Variants in IPO7 observed in about 807,000 individuals in gnomAD.
IPO7 encodes importin 7.
Under a neutral mutation model 136.4 loss-of-function variants are expected in IPO7, and 13 were observed. That is an observed-to-expected ratio of 0.10 (90% CI 0.06 to 0.15). The LOEUF (loss-of-function observed/expected upper bound fraction) is 0.15, where lower values mean the gene tolerates loss of function less well. Among genes scored for constraint, IPO7 ranks in the 10% least tolerant of loss-of-function variants. IPO7 has a pLI of 1.00. For missense variants in IPO7, 857 were observed against 1,240.6 expected (o/e 0.69, Z 4.65); for synonymous variants, 403 against 404.4 (o/e 1.00, Z 0.04).
chr11:9,403,270 T>A lies in IPO7; in HGVS notation c.85-20T>A. 2 of 1,552,660 alleles carry A rather than the reference T, an allele frequency of 1.3e-6. No individual in the cohort carries two copies. The highest frequency in any genetic ancestry group is 8.9e-7 in the Non-Finnish European group (1 of 1,125,018). On this transcript the variant is annotated intron_variant, in intron 1 of 24. Coordinates refer to ENST00000379719, the MANE Select transcript of IPO7 (RefSeq NM_006391.3). ...TATATTTATTTGCAGAAGTTTAAAA[T>A]GGACTTTTTTTCTTTGTAGGCACAC... is the stretch of plus-strand genomic sequence containing the variant.
At chr11:9,441,831 C>T (rs764832057) in intron 23 of IPO7, among the ~76,000 whole-genome samples, 1 of 152,072 alleles carries the variant, frequency 6.6e-6, no homozygotes, top group Non-Finnish European at 1.5e-5. Flanking sequence ...TAGGCTGAGT[C>T]CTTATTTGCT....
chr11:9,414,915 T>C (rs1855019972), intron 5 of IPO7, among the ~76,000 whole-genome samples: 1 of 151,742 alleles, frequency 6.6e-6, no homozygotes, highest in Non-Finnish European at 1.5e-5. Flanking sequence ...CGAGCCACCG[T>C]GCTTGGCCCC....
At chr11:9,392,809 C>T (rs1854655064) in intron 1 of IPO7, among the ~76,000 whole-genome samples, 1 of 151,796 alleles carries the variant, frequency 6.6e-6, no homozygotes. Context: ...ATTAGCCGGG[C>T]ATGGTGTTGC....
chr11:9,430,050 C>T (rs750887268), intron 15 of IPO7, among the ~76,000 whole-genome samples: 11 of 152,230 alleles, frequency 7.2e-5, no homozygotes, highest in African/African-American at 2.6e-4. Flanking sequence ...AATGGTTTCT[C>T]ATAAGGGGTG....
chr11:9,437,248 A>C (rs1565004091), intron 20 of IPO7, among the ~76,000 whole-genome samples: 1 of 149,194 alleles, frequency 6.7e-6, no homozygotes, highest in African/African-American at 2.5e-5. Flanking sequence ...GCTTTTATTT[A>C]TTTTTTATTT....
chr11:9,423,374 A>T (rs1855160803), intron 9 of IPO7, among the ~76,000 whole-genome samples: 1 of 152,198 alleles, frequency 6.6e-6, no homozygotes, highest in Non-Finnish European at 1.5e-5. Flanking sequence ...CAAACTTGCA[A>T]TTTAAGTTCT....
intron 22 of IPO7, among the ~76,000 whole-genome samples, chr11:9,439,585 G>C (rs570158887): frequency 3.3e-5 from 5 of 149,974 alleles, no homozygotes; most frequent in Non-Finnish European, 5.9e-5. Flanking sequence ...GTTTTTTTTT[G>C]TTGTTGTTGT....
intron 20 of IPO7, among the ~76,000 whole-genome samples, chr11:9,436,878 T>A (rs1456860278): frequency 5.4e-3 from 200 of 37,100 alleles, no homozygotes; most frequent in South Asian, 0.013. Context: ...ATTTTTTTTT[T>A]TTTTTTTTTT....
At chr11:9,393,789 C>T (rs1854671290) in intron 1 of IPO7, among the ~76,000 whole-genome samples, 1 of 152,168 alleles carries the variant, frequency 6.6e-6, no homozygotes, top group Non-Finnish European at 1.5e-5. Context: ...GGTGTTGATA[C>T]TCCTAAATGA....
chr11:9,418,070 T>C (rs1282077355), intron 6 of IPO7, among the ~76,000 whole-genome samples: 1 of 150,852 alleles, frequency 6.6e-6, no homozygotes, highest in Non-Finnish European at 1.5e-5. Context: ...TACGCTGTTT[T>C]GTTTTGTTTT....
chr11:9,421,305 A>G (rs1403171184), intron 8 of IPO7, among the ~76,000 whole-genome samples: 4 of 150,068 alleles, frequency 2.7e-5, no homozygotes, highest in Non-Finnish European at 5.9e-5. Context: ...TAACACCAGT[A>G]ACATATTGTC....
intron 2 of IPO7, among the ~76,000 whole-genome samples, chr11:9,405,692 G>C (rs1854872290): frequency 6.6e-6 from 1 of 152,244 alleles, no homozygotes; most frequent in African/African-American, 2.4e-5. Context: ...CAAAGTGCTA[G>C]GATTATGGGC....
chr11:9,390,766 A>ATAGGGAGACGCAGTCAC (rs146167125), intron 1 of IPO7, among the ~76,000 whole-genome samples: 24 of 152,130 alleles, frequency 1.6e-4, no homozygotes, highest in Non-Finnish European at 7.4e-5. Flanking sequence ...CCTGGGCAAC[A>ATAGGGAGACGCAGTCAC]TACAAAAAAA....
At chr11:9,430,720 TA>T in intron 15 of IPO7, 154 bp from the exon 16 acceptor site, 1 of 643,348 alleles carries the variant, frequency 1.6e-6, no homozygotes, top group East Asian at 2.8e-5. Context: ...ACTATTTGAT[TA>T]TAGAGCTTAA....
In IPO7 at chr11:9,421,401, G is replaced by C. The variant is rs1468660238; in HGVS notation, c.906+703G>C. ...TCCCAGCACTTTGGGAGGCCAGGGC[G>C]GGCAGATCACGAGGTCAGGAGTTCG... is the stretch of plus-strand genomic sequence containing the variant. On this transcript the variant is annotated intron_variant, in intron 8 of 24. Transcript: ENST00000379719. 2.6e-5 allele frequency among the ~76,000 whole-genome samples: 4 copies of C among 151,302 alleles called. No individual in the cohort carries two copies. In the East Asian group the frequency reaches 7.9e-4, roughly 30 times the overall value.
At position 9,408,594 on chromosome 11, in the gene IPO7, G is replaced by A. The variant is rs1194376557; in HGVS notation, c.275G>A (p.Arg92Gln). The A allele has an allele frequency of 4.4e-6, 7 of 1,608,944 alleles. No individual in the cohort carries two copies. Among genetic ancestry groups the A allele is most frequent in the Non-Finnish European group, 5.9e-6 (7 of 1,177,816 alleles). Reference sequence around the variant, plus strand: ...CCAGAAGAAGATCGCCATTGTATTCGAGAAAATATTGTAGAAGCCATTATC... The same window carrying A: ...CCAGAAGAAGATCGCCATTGTATTCAAGAAAATATTGTAGAAGCCATTATC... ...TIPEEDRHCI[R>Q]ENIVEAIIHS... Residue 92 changes from arginine to glutamine, a missense_variant, in exon 3 of 25, where the codon CGA becomes CAA. Physicochemically the swap from Arg to Gln is conservative, Grantham distance 43 (BLOSUM62 1). Transcript: ENST00000379719.
chr11:9,384,990 C>T (rs992085133), intron 1 of IPO7, 143 bp downstream of exon 1: 1 of 650,260 alleles, frequency 1.5e-6, no homozygotes, highest in Non-Finnish European at 2.6e-6. Flanking sequence ...ACGGCGACTT[C>T]CACGCCGGGG....
At position 9,427,791 on chromosome 11, in the gene IPO7, C is replaced by T. The variant is rs114771295; in HGVS notation, c.1336-749C>T. ...GTTGATTTTGGTATGCTACTATCAA[C>T]TAATCCATGGACCTTTTTAAAGTTT... is the stretch of plus-strand genomic sequence containing the variant. On this transcript the variant is annotated intron_variant, in intron 12 of 24. Transcript: ENST00000379719. Among the ~76,000 whole-genome samples, 616 of 152,336 alleles carry T rather than the reference C, an allele frequency of 4.0e-3. 1 individual carries two copies. Among genetic ancestry groups the T allele is most frequent in the African/African-American group, 0.014 (597 of 41,562 alleles).
rs190588689 is a variant in IPO7 at position 9,394,163 on chromosome 11, C to G, written c.85-9127C>G. 3.1e-3 allele frequency among the ~76,000 whole-genome samples: 477 copies of G among 152,292 alleles called. 3 individuals are homozygous for G. The highest frequency in any genetic ancestry group is 0.011 in the African/African-American group (469 of 41,574). ...AAGTGCTGGGATTGCAGGCGTGAAC[C>G]ATCGCCCCCAGCCTTTTAATTTTTA... On this transcript the variant is annotated intron_variant, in intron 1 of 24. Transcript: ENST00000379719.
Sources: gnomAD v4.1 joint callset for allele counts (sites outside exome capture counted in the v4.1 genomes callset) on GRCh38, gnomAD v4.1.1 for gene constraint, MANE v1.5 for transcripts, NCBI Gene and HGNC (gene_info 2026-07-23, HGNC 2026-07-21) for gene names.